The following SKAP2 variants were observed in gnomAD, a reference collection of about 807,000 sequenced individuals.
SKAP2 encodes the protein src kinase associated phosphoprotein 2, also known as src kinase-associated phosphoprotein 2.
SKAP2 carries 28 observed loss-of-function variants against 54.9 expected under a neutral mutation model. The observed-to-expected ratio is 0.51, with a 90% CI of 0.38 to 0.70. The LOEUF is 0.70. Ranked by LOEUF, SKAP2 falls within the 30% of genes least tolerant of loss-of-function variation. The pLI is 0.00. For synonymous variants in SKAP2, 137 were observed against 134.3 expected (o/e 1.02, Z -0.14); for missense variants, 356 against 424.1 (o/e 0.84, Z 1.41).
Position 26,864,509 on chromosome 7 carries a change from G to C in SKAP2, c.-80C>G, listed in dbSNP as rs1785335127. ...GGGGTGGGGCTGCGGCTGCGACCTA[G>C]ACTCAGGCTAGCGGCCCGGATTAAG... On this transcript the variant is annotated 5_prime_UTR_variant, in exon 1 of 13. Transcript: ENST00000345317. The C allele has an allele frequency of 2.0e-6, 3 of 1,514,738 alleles. No homozygotes were observed. The highest frequency in any genetic ancestry group is 2.8e-5 in the African/African-American group (2 of 70,768). 93.8% of individuals were successfully genotyped at this position (1,514,738 alleles called of 1,614,324 possible).
intron 11 of SKAP2, among the ~76,000 whole-genome samples, chr7:26,672,894 A>G (rs1281157788): frequency 6.6e-6 from 1 of 152,052 alleles, no homozygotes; most frequent in African/African-American, 2.4e-5. Flanking sequence ...TGAACATTCA[A>G]TATTGTACAA....
At chr7:26,814,147 G>T (rs918655934) in intron 4 of SKAP2, among the ~76,000 whole-genome samples, 1 of 150,688 alleles carries the variant, frequency 6.6e-6, no homozygotes, top group Non-Finnish European at 1.5e-5. Context: ...TTTAACAAAA[G>T]CACAATTAAT....
At chr7:26,772,502 T>A (rs744612) in intron 4 of SKAP2, among the ~76,000 whole-genome samples, 1 of 152,076 alleles carries the variant, frequency 6.6e-6, no homozygotes, top group Non-Finnish European at 1.5e-5. Flanking sequence ...TGTTCCTGTG[T>A]TAATTTGCTT....
At chr7:26,686,728 C>T (rs1166571828) in intron 10 of SKAP2, among the ~76,000 whole-genome samples, 2 of 152,090 alleles carry the variant, frequency 1.3e-5, no homozygotes, top group Non-Finnish European at 2.9e-5. Context: ...ATGTTGTGCC[C>T]CTTGCAGTCT....
chr7:26,812,124 G>A (rs572660655), intron 4 of SKAP2, among the ~76,000 whole-genome samples: 20 of 152,284 alleles, frequency 1.3e-4, no homozygotes, highest in Middle Eastern at 3.4e-3. Flanking sequence ...ACAGCTGCTT[G>A]ATACAAAGGG....
At chr7:26,777,258 T>C (rs910921509) in intron 4 of SKAP2, among the ~76,000 whole-genome samples, 1 of 152,050 alleles carries the variant, frequency 6.6e-6, no homozygotes, top group Non-Finnish European at 1.5e-5. Flanking sequence ...GAAAAAGACA[T>C]GAAGTAGTTG....
chr7:26,821,817 A>G (rs1013093521), intron 4 of SKAP2, among the ~76,000 whole-genome samples: 7 of 152,102 alleles, frequency 4.6e-5, no homozygotes, highest in African/African-American at 1.4e-4. Context: ...CCACCCATCA[A>G]GTTGATCCTA....
intron 6 of SKAP2, among the ~76,000 whole-genome samples, chr7:26,730,772 C>T (rs968660098): frequency 2.0e-5 from 3 of 152,148 alleles, no homozygotes; most frequent in African/African-American, 7.2e-5. Context: ...AAGCAGTTGG[C>T]TCTGATTTCC....
intron 4 of SKAP2, among the ~76,000 whole-genome samples, chr7:26,752,882 A>G (rs1428574829): frequency 6.6e-6 from 1 of 152,186 alleles, no homozygotes; most frequent in Non-Finnish European, 1.5e-5. Context: ...CCTACTTTGT[A>G]TCCACCAAAT....
At chr7:26,676,631 T>C (rs185669226) in intron 11 of SKAP2, among the ~76,000 whole-genome samples, 11 of 152,340 alleles carry the variant, frequency 7.2e-5, no homozygotes, top group Non-Finnish European at 4.4e-5. Flanking sequence ...TTGTTAACTG[T>C]ATTTTGGTAA....
chr7:26,656,842 CA>C, the SKAP2 span, among the ~76,000 whole-genome samples: 159 of 145,540 alleles, frequency 1.1e-3, no homozygotes, highest in African/African-American at 3.5e-3. Context: ...GGCCCCAGTG[CA>C]AAAAAAAAAG....
chr7:26,827,066 CGTG>C (rs1784505929), intron 4 of SKAP2, among the ~76,000 whole-genome samples: 1 of 151,928 alleles, frequency 6.6e-6, no homozygotes, highest in African/African-American at 2.4e-5. Context: ...TTCTTTTCCC[CGTG>C]GTAAGAAATT....
At chr7:26,720,502 T>A (rs1430874012) in intron 9 of SKAP2, among the ~76,000 whole-genome samples, 1 of 152,210 alleles carries the variant, frequency 6.6e-6, no homozygotes, top group Admixed American at 6.5e-5. Context: ...CATTTTTTTT[T>A]ATAACTTCGG....
intron 9 of SKAP2, 125 bp downstream of exon 9, chr7:26,725,303 T>A: frequency 1.7e-6 from 1 of 592,614 alleles, no homozygotes; most frequent in Non-Finnish European, 2.8e-6. Flanking sequence ...TTGTCCTTGT[T>A]CTCAATAGGT....
chr7:26,681,159 T>C (rs930784458), intron 11 of SKAP2, among the ~76,000 whole-genome samples: 3 of 152,190 alleles, frequency 2.0e-5, no homozygotes, highest in African/African-American at 4.8e-5. Flanking sequence ...TTTACAAAAT[T>C]AAAACACTTG....
intron 4 of SKAP2, among the ~76,000 whole-genome samples, chr7:26,777,082 T>C (rs1381659431): frequency 1.3e-5 from 2 of 152,262 alleles, no homozygotes; most frequent in East Asian, 3.9e-4. Flanking sequence ...AAATCATTAA[T>C]TGGTTTAATA....
At chr7:26,683,254 A>C (rs1030873723) in intron 11 of SKAP2, among the ~76,000 whole-genome samples, 3 of 152,218 alleles carry the variant, frequency 2.0e-5, no homozygotes, top group Non-Finnish European at 4.4e-5. Flanking sequence ...TTAAGTAGTT[A>C]ACCAAAAAGC....
intron 6 of SKAP2, among the ~76,000 whole-genome samples, chr7:26,733,665 T>G (rs1354577122): frequency 6.6e-6 from 1 of 152,130 alleles, no homozygotes; most frequent in African/African-American, 2.4e-5. Flanking sequence ...GGAGGTAAAT[T>G]TCAATGAAAA....
intron 4 of SKAP2, among the ~76,000 whole-genome samples, chr7:26,813,044 G>C (rs1784188310): frequency 6.6e-6 from 1 of 152,020 alleles, no homozygotes; most frequent in Admixed American, 6.6e-5. Flanking sequence ...TTCAAAATTT[G>C]ACTTCTAATC....
Sources: gnomAD v4.1 joint callset for allele counts (sites outside exome capture counted in the v4.1 genomes callset) on GRCh38, gnomAD v4.1.1 for gene constraint, MANE v1.5 for transcripts, NCBI Gene and HGNC (gene_info 2026-07-23, HGNC 2026-07-21) for gene names.